BCKDHB: variants seen among roughly 807,000 people sequenced by gnomAD.
BCKDHB encodes 2-oxoisovalerate dehydrogenase subunit beta, mitochondrial.
In BCKDHB, 41 loss-of-function variants were observed where a neutral mutation model predicts 48.5. The observed-to-expected ratio is 0.85, with a 90% CI of 0.66 to 1.10. The LOEUF is 1.10. Among genes scored for constraint, BCKDHB ranks in the 50% least tolerant of loss-of-function variants. The probability of loss-of-function intolerance (pLI) is 0.00; values close to 1 mark genes in which losing one functional copy is unlikely to be tolerated. For missense variants in BCKDHB, 496 were observed against 494.2 expected, an observed-to-expected ratio of 1.00 and a Z score of -0.03; for synonymous variants, 201 against 174.8, an observed-to-expected ratio of 1.15 and a Z score of -1.18.
intron 3 of BCKDHB, among the ~76,000 whole-genome samples, chr6:80,130,357 T>A (rs1009281648): frequency 6.6e-6 from 1 of 151,924 alleles, no homozygotes; most frequent in African/African-American, 2.4e-5. Context: ...TCTTTAAAAT[T>A]TTTTTTTAAA....
chr6:80,187,597 A>G (rs1038135263), intron 6 of BCKDHB, among the ~76,000 whole-genome samples: 3 of 152,188 alleles, frequency 2.0e-5, no homozygotes, highest in Non-Finnish European at 2.9e-5. Flanking sequence ...AAGGTCTAAT[A>G]TACAGAATCT....
the BCKDHB span, chr6:80,441,074 A>C: frequency 6.6e-6 from 1 of 152,188 alleles, no homozygotes; most frequent in African/African-American, 2.4e-5. Flanking sequence ...CTGAAACTAA[A>C]GGTCATTCCA....
rs376293687 is a variant in BCKDHB, at chr6:80,106,744, A to C, written c.51A>C (p.Ala17=). ...AAGWLLRLRA[A]GAEGHWRRLP... is the part of the protein sequence containing the mutation. Reference sequence around the variant, plus strand: ...GCTGGCTACTCAGGCTCAGGGCGGCAGGGGCTGAGGGGCACTGGCGTCGGC... The same window carrying C: ...GCTGGCTACTCAGGCTCAGGGCGGCCGGGGCTGAGGGGCACTGGCGTCGGC... The change falls in exon 1 of 10, where the codon GCA becomes GCC. Residue 17 remains alanine (A), a synonymous_variant. Coordinates refer to ENST00000320393, the MANE Select transcript of BCKDHB (RefSeq NM_183050.4). The C allele has an allele frequency of 1.4e-4, 227 of 1,567,308 alleles. 1 individual carries two copies. The African/African-American group carries it at 2.6e-3, about 18-fold the overall frequency.
the BCKDHB span, among the ~76,000 whole-genome samples, chr6:80,420,345 C>G: frequency 2.6e-5 from 4 of 152,168 alleles, no homozygotes; most frequent in East Asian, 3.9e-4. Context: ...GACACGCAGA[C>G]TTTTTCTATG....
downstream of BCKDHB, among the ~76,000 whole-genome samples, chr6:80,350,400 T>G (rs1420694557): frequency 6.6e-6 from 1 of 152,138 alleles, no homozygotes; most frequent in Non-Finnish European, 1.5e-5. Context: ...GGGTTTTTTT[T>G]TTCCATTTTA....
the BCKDHB span, among the ~76,000 whole-genome samples, chr6:80,375,599 C>T: frequency 6.6e-6 from 1 of 151,438 alleles, no homozygotes. Flanking sequence ...TACCTTTTCT[C>T]TGGTGCCTCC....
intron 4 of BCKDHB, among the ~76,000 whole-genome samples, chr6:80,168,344 G>C (rs1029194899): frequency 1.4e-5 from 2 of 147,252 alleles, no homozygotes; most frequent in Non-Finnish European, 3.0e-5. Context: ...AGAAGGGAGA[G>C]GGGAGAGAGG....
chr6:80,335,616 A>G (rs1562237285), intron 9 of BCKDHB, among the ~76,000 whole-genome samples: 1 of 152,104 alleles, frequency 6.6e-6, no homozygotes, highest in Non-Finnish European at 1.5e-5. Flanking sequence ...AGTGTATCTC[A>G]TAAAGAATTT....
intron 3 of BCKDHB, among the ~76,000 whole-genome samples, chr6:80,135,129 A>G (rs1410237675): frequency 6.6e-6 from 1 of 152,064 alleles, no homozygotes; most frequent in Non-Finnish European, 1.5e-5. Flanking sequence ...TGAATTATGA[A>G]ATTAATGTCT....
At chr6:80,129,433 CATACAGTGT>C (rs1234027146) in intron 3 of BCKDHB, among the ~76,000 whole-genome samples, 1 of 152,160 alleles carries the variant, frequency 6.6e-6, no homozygotes, top group Non-Finnish European at 1.5e-5. Flanking sequence ...TCATATTACA[CATACAGTGT>C]AAATGATTCC....
chr6:80,351,052 T>A (rs1034251086), downstream of BCKDHB, among the ~76,000 whole-genome samples: 5 of 152,344 alleles, frequency 3.3e-5, no homozygotes, highest in Non-Finnish European at 7.3e-5. Flanking sequence ...CCTGTTTGGT[T>A]AATGTGCACA....
the BCKDHB span, among the ~76,000 whole-genome samples, chr6:80,382,981 T>C: frequency 6.6e-6 from 1 of 152,160 alleles, no homozygotes; most frequent in Non-Finnish European, 1.5e-5. Flanking sequence ...GAAATCACAG[T>C]GGCCGGTAAT....
chr6:80,272,538 A>G (rs1777791113), intron 8 of BCKDHB, among the ~76,000 whole-genome samples: 2 of 152,292 alleles, frequency 1.3e-5, no homozygotes, highest in East Asian at 1.9e-4. Flanking sequence ...ACATTGAACA[A>G]CTATTGAGAA....
At chr6:80,176,016 T>A (rs967741118) in intron 6 of BCKDHB, among the ~76,000 whole-genome samples, 1 of 152,124 alleles carries the variant, frequency 6.6e-6, no homozygotes, top group African/African-American at 2.4e-5. Context: ...CTCCAAGGCT[T>A]AGTGTAGGAA....
At chr6:80,363,606 A>G in the BCKDHB span, among the ~76,000 whole-genome samples, 5 of 152,188 alleles carry the variant, frequency 3.3e-5, no homozygotes, top group Non-Finnish European at 7.3e-5. Flanking sequence ...GTTAGAAAAG[A>G]TGATCTCAAT....
chr6:80,254,589 A>C (rs1011102298), intron 8 of BCKDHB, among the ~76,000 whole-genome samples: 1 of 151,898 alleles, frequency 6.6e-6, no homozygotes, highest in Non-Finnish European at 1.5e-5. Flanking sequence ...GGTCCCATCT[A>C]CTCTGTAGGT....
chr6:80,309,956 G>A (rs930512615), intron 9 of BCKDHB, among the ~76,000 whole-genome samples: 2 of 152,082 alleles, frequency 1.3e-5, no homozygotes, highest in Admixed American at 1.3e-4. Context: ...CATGTATTCA[G>A]TTTTCTGTTC....
At chr6:80,287,392 A>C (rs1396939503) in intron 9 of BCKDHB, among the ~76,000 whole-genome samples, 1 of 151,290 alleles carries the variant, frequency 6.6e-6, no homozygotes. Flanking sequence ...AATTTTTCTA[A>C]ATCAAATTTA....
At chr6:80,196,799 G>A (rs1365274920) in intron 6 of BCKDHB, among the ~76,000 whole-genome samples, 1 of 152,084 alleles carries the variant, frequency 6.6e-6, no homozygotes, top group Non-Finnish European at 1.5e-5. Flanking sequence ...ATCTCTAAGT[G>A]AATGTGTAGT....
Sources: gnomAD v4.1 joint callset for allele counts (sites outside exome capture counted in the v4.1 genomes callset) on GRCh38, gnomAD v4.1.1 for gene constraint, MANE v1.5 for transcripts, NCBI Gene and HGNC (gene_info 2026-07-23, HGNC 2026-07-21) for gene names.